Variants in GNAT3 observed in about 807,000 individuals in gnomAD.
The protein encoded by GNAT3 is G protein subunit alpha transducin 3, also known as guanine nucleotide-binding protein G(t) subunit alpha-3.
A neutral mutation model predicts 37.7 loss-of-function variants in GNAT3; 31 were observed. The ratio of observed to expected loss-of-function variants is 0.82; its 90% CI spans 0.62 to 1.11. The LOEUF is 1.11. Among genes scored for constraint, GNAT3 ranks in the 50% most tolerant of loss-of-function variants. GNAT3 has a pLI of 0.00. For missense variants in GNAT3, 437 were observed against 412.5 expected (o/e 1.06, Z -0.51); for synonymous variants, 138 against 139.8 (o/e 0.99, Z 0.09).
Position 80,488,623 on chromosome 7 carries a change from A to G in GNAT3, c.215T>C (p.Val72Ala), listed in dbSNP as rs757609166. 13 of 1,589,024 alleles carry G rather than the reference A, an allele frequency of 8.2e-6. No individual in the cohort carries two copies. Among genetic ancestry groups the G allele is most frequent in the Admixed American group, 3.5e-5 (2 of 57,154 alleles). Residue 72 changes from valine (V) to alanine (A), a missense_variant, in exon 3 of 8, where the codon GTA becomes GCA. Val to Ala is a moderately conservative substitution (Grantham distance 64, BLOSUM62 0). Transcript: ENST00000398291. ...GGATTGCAATGTATTACTGTAAATT[A>G]CTGCTTTGAACTCCATGCATTCTTG... ...SEQECMEFKA[V>A]IYSNTLQSIL...
At chr7:80,510,605 A>G (rs1034350573) in intron 1 of GNAT3, among the ~76,000 whole-genome samples, 1 of 152,122 alleles carries the variant, frequency 6.6e-6, no homozygotes, top group African/African-American at 2.4e-5. Flanking sequence ...TCCTGGTGTC[A>G]TTAGTACTTA....
chr7:80,463,578 C>T (rs1014586098), intron 5 of GNAT3, among the ~76,000 whole-genome samples: 7 of 151,932 alleles, frequency 4.6e-5, no homozygotes, highest in Admixed American at 2.0e-4. Flanking sequence ...CCTCTCTCCA[C>T]CCTCCATTTA....
chr7:80,475,576 G>T (rs984133023), intron 4 of GNAT3, among the ~76,000 whole-genome samples: 5 of 151,836 alleles, frequency 3.3e-5, no homozygotes, highest in Non-Finnish European at 7.4e-5. Context: ...TGCTTCCATC[G>T]AGACAGAATT....
intron 1 of GNAT3, among the ~76,000 whole-genome samples, chr7:80,496,288 G>A (rs867647768): frequency 1.3e-5 from 2 of 152,074 alleles, no homozygotes; most frequent in Non-Finnish European, 1.5e-5. Flanking sequence ...GCGCCATCAT[G>A]CCCAGTTAAT....
intron 2 of GNAT3, among the ~76,000 whole-genome samples, chr7:80,490,581 G>A (rs1212189615): frequency 6.6e-6 from 1 of 152,134 alleles, no homozygotes; most frequent in Non-Finnish European, 1.5e-5. Context: ...CAAAAGGAGA[G>A]AGAATCATTG....
intron 5 of GNAT3, among the ~76,000 whole-genome samples, chr7:80,473,367 T>C (rs1455970813): frequency 2.6e-5 from 4 of 152,144 alleles, no homozygotes; most frequent in Non-Finnish European, 5.9e-5. Context: ...ATTTGAAGCT[T>C]TTATCTTACT....
At position 80,458,741 on chromosome 7, in the gene GNAT3, A is replaced by G; in HGVS notation, c.995T>C (p.Val332Ala). The G allele has an allele frequency of 6.2e-7, 1 of 1,600,738 alleles. No homozygotes were observed. Among genetic ancestry groups the G allele is most frequent in the Non-Finnish European group, 8.5e-7 (1 of 1,172,772 alleles). The change falls in exon 8 of 8, where the codon GTC (valine) becomes GCC (alanine). Residue 332 changes from valine to alanine, a missense_variant. Transcript: ENST00000398291. ...TGTAACTGCGTCAAACACAAACTTG[A>G]CATTTTGGGTGTCAGTAGCACAGGT... ...HMTCATDTQN[V>A]KFVFDAVTDI...
rs1288429468 is a variant in GNAT3 at position 80,486,425 on chromosome 7, T to A, written c.303+2110A>T. 3.3e-5 allele frequency: 5 copies of A among 151,906 alleles called. No homozygotes were observed. The East Asian group carries it at 9.7e-4, about 30-fold the overall frequency. 9.4% of individuals were successfully genotyped at this position (151,906 alleles called of 1,614,324 possible). A position where few individuals can be genotyped will look rare whatever the true frequency, so the allele number is the denominator to read the frequency against. ...CCCCTATATGTCAACTCATTAAGACTTTTACTAATAAATCTCTCATCTCAC... is the reference window on the plus strand; with the variant it reads ...CCCCTATATGTCAACTCATTAAGACATTTACTAATAAATCTCTCATCTCAC... On this transcript the variant is annotated intron_variant, in intron 3 of 7. Coordinates refer to ENST00000398291, the MANE Select transcript of GNAT3 (RefSeq NM_001102386.3).
chr7:80,484,680 G>T (rs1790446755), intron 3 of GNAT3, among the ~76,000 whole-genome samples: 2 of 151,734 alleles, frequency 1.3e-5, no homozygotes, highest in Admixed American at 6.6e-5. Flanking sequence ...ATTTCTTCAG[G>T]ATATGAAGGT....
chr7:80,473,496 T>C (rs1490386453), intron 5 of GNAT3, among the ~76,000 whole-genome samples: 1 of 151,074 alleles, frequency 6.6e-6, no homozygotes, highest in African/African-American at 2.5e-5. Flanking sequence ...CATTGTTTGA[T>C]ACAAGAGTAA....
chr7:80,499,688 T>C (rs919302547), intron 1 of GNAT3, among the ~76,000 whole-genome samples: 1 of 152,198 alleles, frequency 6.6e-6, no homozygotes, highest in African/African-American at 2.4e-5. Context: ...TTTCTCCTTT[T>C]TATGGAGTGA....
intron 1 of GNAT3, among the ~76,000 whole-genome samples, chr7:80,504,321 G>A (rs1790891059): frequency 1.3e-5 from 2 of 151,866 alleles, no homozygotes; most frequent in Non-Finnish European, 2.9e-5. Flanking sequence ...TAAAAAAAAA[G>A]AGAGAGAAAA....
At chr7:80,502,858 A>C (rs762483094) in intron 1 of GNAT3, among the ~76,000 whole-genome samples, 1 of 152,102 alleles carries the variant, frequency 6.6e-6, no homozygotes, top group South Asian at 2.1e-4. Context: ...TACCGTCCAC[A>C]TGCAGTCTGC....
intron 3 of GNAT3, among the ~76,000 whole-genome samples, chr7:80,481,668 C>A (rs931933762): frequency 1.3e-5 from 2 of 152,038 alleles, no homozygotes; most frequent in South Asian, 4.1e-4. Flanking sequence ...CTTTTCAAGG[C>A]CTTTTCTGAT....
chr7:80,460,899 T>C (rs1196920412), intron 7 of GNAT3, among the ~76,000 whole-genome samples: 1 of 152,074 alleles, frequency 6.6e-6, no homozygotes, highest in Non-Finnish European at 1.5e-5. Context: ...AGAAAGTACA[T>C]GGGAACTCTT....
chr7:80,473,487 A>G (rs532290481), intron 5 of GNAT3, among the ~76,000 whole-genome samples: 3 of 151,266 alleles, frequency 2.0e-5, no homozygotes, highest in Non-Finnish European at 4.4e-5. Context: ...GATTATTCTC[A>G]TTGTTTGATA....
intron 5 of GNAT3, among the ~76,000 whole-genome samples, chr7:80,466,572 A>G (rs928659460): frequency 1.3e-5 from 2 of 152,102 alleles, no homozygotes; most frequent in South Asian, 2.1e-4. Context: ...GATAAAAATA[A>G]TAGTAGGAAT....
intron 1 of GNAT3, among the ~76,000 whole-genome samples, chr7:80,506,860 A>T (rs951622593): frequency 6.6e-6 from 1 of 152,170 alleles, no homozygotes; most frequent in African/African-American, 2.4e-5. Context: ...TACCTTGCGT[A>T]GTTATTTTTG....
intron 6 of GNAT3, 76 bp from the exon 7 acceptor site, chr7:80,462,388 T>C: frequency 6.4e-7 from 1 of 1,554,782 alleles, no homozygotes; most frequent in Non-Finnish European, 8.8e-7. Context: ...TGAACAAGGA[T>C]CTAGAACTAA....
Sources: gnomAD v4.1 joint callset for allele counts (sites outside exome capture counted in the v4.1 genomes callset) on GRCh38, gnomAD v4.1.1 for gene constraint, MANE v1.5 for transcripts, NCBI Gene and HGNC (gene_info 2026-07-23, HGNC 2026-07-21) for gene names.